ANK2: variants seen among roughly 807,000 people sequenced by gnomAD.
The protein encoded by ANK2 is ankyrin-2.
ANK2 carries 83 observed loss-of-function variants against 360.5 expected under a neutral mutation model. The observed-to-expected ratio is 0.23, with a 90% CI of 0.19 to 0.28. The LOEUF is 0.28. ANK2 is among the 10% of genes least tolerant of loss of function. ANK2 has a pLI of 1.00. For missense variants in ANK2, 4,201 were observed against 4,795.7 expected (o/e 0.88, Z 3.66); for synonymous variants, 1,740 against 1,759.5 (o/e 0.99, Z 0.28).
At chr4:112,989,507 C>A (rs141491158) in intron 2 of ANK2, among the ~76,000 whole-genome samples, 68 of 152,256 alleles carry the variant, frequency 4.5e-4, no homozygotes, top group African/African-American at 1.6e-3. Flanking sequence ...AGCCCTGGTG[C>A]CTCTGACAGG....
chr4:113,380,415 C>T (rs1358817705), intron 45 of ANK2, among the ~76,000 whole-genome samples: 3 of 152,184 alleles, frequency 2.0e-5, no homozygotes, highest in African/African-American at 7.2e-5. Context: ...AATCCCAACA[C>T]TTTGGGAGGC....
intron 27 of ANK2, 31 bp downstream of exon 27, chr4:113,330,501 T>C (rs1251685456): frequency 6.2e-7 from 1 of 1,605,146 alleles, no homozygotes; most frequent in African/African-American, 1.3e-5. Flanking sequence ...TCCCACTTAG[T>C]CATCGATGAG....
chr4:113,236,400 T>G (rs2099384420), intron 5 of ANK2, among the ~76,000 whole-genome samples: 1 of 152,200 alleles, frequency 6.6e-6, no homozygotes, highest in Non-Finnish European at 1.5e-5. Context: ...CAAAATAATA[T>G]AAAATTCAAC....
intron 1 of ANK2, among the ~76,000 whole-genome samples, chr4:113,070,440 A>G (rs113002550): frequency 9.5e-4 from 145 of 152,260 alleles, no homozygotes; most frequent in African/African-American, 3.4e-3. Flanking sequence ...TCTGGGATTA[A>G]TAAGTATAAA....
intron 38 of ANK2, among the ~76,000 whole-genome samples, chr4:113,360,482 C>A (rs1396491144): frequency 6.6e-6 from 1 of 151,884 alleles, no homozygotes; most frequent in African/African-American, 2.4e-5. Context: ...TTTATGATTT[C>A]TCTGGTGTTT....
chr4:112,854,796 G>A (rs1172083375), intron 1 of ANK2, among the ~76,000 whole-genome samples: 1 of 152,104 alleles, frequency 6.6e-6, no homozygotes, highest in Non-Finnish European at 1.5e-5. Flanking sequence ...GTCCAGAGGT[G>A]GGAGCTGGGG....
chr4:113,055,907 T>G (rs2069511638), intron 1 of ANK2, among the ~76,000 whole-genome samples: 1 of 152,200 alleles, frequency 6.6e-6, no homozygotes. Flanking sequence ...CTTCCAGTGT[T>G]GCTGCCATTT....
chr4:112,790,134 G>A, the ANK2 span, among the ~76,000 whole-genome samples: 4 of 152,150 alleles, frequency 2.6e-5, no homozygotes, highest in Non-Finnish European at 4.4e-5. Flanking sequence ...GGTAGAGATA[G>A]CTTGCTATAG....
At chr4:113,050,600 CTG>C (rs1253489806) in intron 1 of ANK2, among the ~76,000 whole-genome samples, 1 of 152,184 alleles carries the variant, frequency 6.6e-6, no homozygotes, top group Non-Finnish European at 1.5e-5. Context: ...TTCTGGTAAA[CTG>C]TTGCAGCCTC....
At chr4:112,942,123 A>T (rs183014789) in intron 2 of ANK2, among the ~76,000 whole-genome samples, 1 of 152,134 alleles carries the variant, frequency 6.6e-6, no homozygotes, top group Admixed American at 6.5e-5. Context: ...AAAATATATT[A>T]TCTACTTCTA....
chr4:113,002,735 T>C (rs1325070323), intron 2 of ANK2, among the ~76,000 whole-genome samples: 1 of 152,248 alleles, frequency 6.6e-6, no homozygotes. Context: ...CTTCAATACC[T>C]ATGGAGATAA....
chr4:113,037,775 C>T (rs958448171), intron 2 of ANK2, among the ~76,000 whole-genome samples: 3 of 151,914 alleles, frequency 2.0e-5, no homozygotes. Flanking sequence ...AAGCCAGAAA[C>T]ATGAATAAGG....
intron 26 of ANK2, 78 bp downstream of exon 26, chr4:113,318,698 C>A: frequency 8.0e-7 from 1 of 1,246,574 alleles, no homozygotes; most frequent in Non-Finnish European, 1.2e-6. Flanking sequence ...TGTCCAGTAG[C>A]TTTAGCTGGT....
chr4:113,237,204 A>G, intron 6 of ANK2, 32 bp downstream of exon 6: 1 of 1,601,420 alleles, frequency 6.2e-7, no homozygotes, highest in Non-Finnish European at 8.6e-7. Flanking sequence ...TGTGGAAAGG[A>G]ACTCTTTGGC....
chr4:112,838,319 A>G (rs10033576), intron 1 of ANK2, among the ~76,000 whole-genome samples: 2,673 of 152,204 alleles, frequency 0.018, 82 homozygotes, highest in African/African-American at 0.061. Context: ...AGTCAATTAA[A>G]CCTTTTTTAT....
chr4:113,301,505 T>C (rs1563561941), intron 22 of ANK2, among the ~76,000 whole-genome samples: 1 of 152,062 alleles, frequency 6.6e-6, no homozygotes, highest in Non-Finnish European at 1.5e-5. Context: ...AAATCTACTC[T>C]CAGCAATTTT....
chr4:113,203,995 T>G (rs2098900804), intron 4 of ANK2, among the ~76,000 whole-genome samples: 1 of 152,200 alleles, frequency 6.6e-6, no homozygotes, highest in African/African-American at 2.4e-5. Flanking sequence ...ATAAATGTCC[T>G]GCAAAATGTT....
chr4:112,922,809 C>G (rs990704502), intron 2 of ANK2, among the ~76,000 whole-genome samples: 7 of 152,140 alleles, frequency 4.6e-5, no homozygotes, highest in Admixed American at 2.6e-4. Flanking sequence ...TTGAAAATGA[C>G]TCTCTAATAT....
At chr4:112,926,073 C>T (rs2092509272) in intron 2 of ANK2, among the ~76,000 whole-genome samples, 1 of 152,140 alleles carries the variant, frequency 6.6e-6, no homozygotes, top group Non-Finnish European at 1.5e-5. Context: ...AGTTCAGGGA[C>T]TTGGATTCTG....
Sources: allele counts gnomAD v4.1 joint callset (sites outside exome capture counted in the v4.1 genomes callset), GRCh38; gene constraint gnomAD v4.1.1; transcripts MANE v1.5; gene names NCBI Gene and HGNC (gene_info 2026-07-23, HGNC 2026-07-21).